Variants in KCNJ6 observed in about 807,000 individuals in gnomAD.
KCNJ6 encodes the protein potassium inwardly rectifying channel subfamily J member 6.
Under a neutral mutation model 34.2 loss-of-function variants are expected in KCNJ6, and 9 were observed. That is an observed-to-expected ratio of 0.26 (90% CI 0.16 to 0.46). The LOEUF is 0.46. KCNJ6 is among the 20% of genes least tolerant of loss of function. The pLI is 1.00. For synonymous variants in KCNJ6, 196 were observed against 207.1 expected (o/e 0.95, Z 0.46); for missense variants, 236 against 531.3 (o/e 0.44, Z 5.46).
chr21:37,842,518 C>T lies in KCNJ6; in HGVS notation c.-27-1809G>A, dbSNP rs558601590. On this transcript the variant is annotated intron_variant, in intron 1 of 3. Transcript: ENST00000609713. ...TGTATTCATGACAACGAAATCAGCA[C>T]GCTGCCTCTTACTTAAACTAATAAT... is the stretch of plus-strand genomic sequence containing the variant. Among the ~76,000 whole-genome samples the T allele has an allele frequency of 7.9e-5, 12 of 152,338 alleles. No individual in the cohort carries two copies. The South Asian group carries it at 8.3e-4, about 11-fold the overall frequency.
intron 3 of KCNJ6, among the ~76,000 whole-genome samples, chr21:37,634,983 C>G (rs1041938811): frequency 4.6e-5 from 7 of 152,032 alleles, no homozygotes; most frequent in Non-Finnish European, 1.0e-4. Context: ...TCTCGAACTC[C>G]TGGCCTCAAG....
chr21:37,784,246 G>A (rs2055182846), intron 2 of KCNJ6, among the ~76,000 whole-genome samples: 2 of 152,154 alleles, frequency 1.3e-5, no homozygotes, highest in South Asian at 2.1e-4. Flanking sequence ...CCGGCTGCAC[G>A]AGTCTTGCTG....
At chr21:37,740,115 C>T (rs1211767193) in intron 2 of KCNJ6, among the ~76,000 whole-genome samples, 1 of 152,190 alleles carries the variant, frequency 6.6e-6, no homozygotes, top group African/African-American at 2.4e-5. Context: ...CCCAGCACTA[C>T]TACAAACCAG....
At chr21:37,643,934 T>C (rs567635622) in intron 3 of KCNJ6, among the ~76,000 whole-genome samples, 2 of 152,350 alleles carry the variant, frequency 1.3e-5, no homozygotes, top group Admixed American at 1.3e-4. Context: ...TGTAGGTTCA[T>C]TGCAGCACTA....
chr21:37,625,264 G>T lies in KCNJ6; in HGVS notation c.1167C>A (p.Leu389=). ...CAGTCTCCAGTTCTGCATGTTGGTT[G>T]AGTTTGCTGGATACAGACCAACTCA... ...LPLSWSVSSK[L]NQHAELETEE... The change falls in exon 4 of 4, where the codon CTC becomes CTA. Residue 389 remains leucine, a synonymous_variant. Transcript: ENST00000609713. The T allele has an allele frequency of 6.2e-7, 1 of 1,614,174 alleles. No homozygotes were observed. Among genetic ancestry groups the T allele is most frequent in the African/African-American group, 1.3e-5 (1 of 75,034 alleles).
intron 2 of KCNJ6, among the ~76,000 whole-genome samples, chr21:37,741,365 G>C (rs976325111): frequency 6.6e-6 from 1 of 152,134 alleles, no homozygotes; most frequent in African/African-American, 2.4e-5. Flanking sequence ...TGGCTCATGA[G>C]AGGTTCTGGT....
chr21:37,831,134 T>C (rs908360465), intron 2 of KCNJ6, among the ~76,000 whole-genome samples: 1 of 152,232 alleles, frequency 6.6e-6, no homozygotes, highest in Admixed American at 6.5e-5. Flanking sequence ...GTAGGATCTC[T>C]GATTCCAACT....
At chr21:37,635,301 C>A (rs1055032086) in intron 3 of KCNJ6, among the ~76,000 whole-genome samples, 1 of 151,956 alleles carries the variant, frequency 6.6e-6, no homozygotes, top group African/African-American at 2.4e-5. Flanking sequence ...TTACTGCAAC[C>A]TCCGCCTCCC....
chr21:37,744,397 A>T (rs530461265), intron 2 of KCNJ6, among the ~76,000 whole-genome samples: 3 of 152,282 alleles, frequency 2.0e-5, no homozygotes, highest in African/African-American at 7.2e-5. Context: ...AGGAATGCAC[A>T]TGATTTGGAA....
At chr21:37,827,616 G>C (rs1376771058) in intron 2 of KCNJ6, among the ~76,000 whole-genome samples, 1 of 151,964 alleles carries the variant, frequency 6.6e-6, no homozygotes, top group Non-Finnish European at 1.5e-5. Context: ...ATGGGCTTGA[G>C]TTGAGAATAG....
intron 2 of KCNJ6, among the ~76,000 whole-genome samples, chr21:37,823,922 A>G (rs1010809329): frequency 1.3e-5 from 2 of 152,302 alleles, no homozygotes; most frequent in Non-Finnish European, 2.9e-5. Context: ...GTGGTTAATT[A>G]TTATGCATTG....
At chr21:37,721,439 T>G (rs1033843064) in intron 2 of KCNJ6, among the ~76,000 whole-genome samples, 2 of 152,198 alleles carry the variant, frequency 1.3e-5, no homozygotes, top group Non-Finnish European at 2.9e-5. Context: ...CCAAAGGGAT[T>G]GAAAGCAGGG....
At chr21:37,872,200 G>A (rs1348119037) in intron 1 of KCNJ6, among the ~76,000 whole-genome samples, 2 of 152,194 alleles carry the variant, frequency 1.3e-5, no homozygotes, top group Non-Finnish European at 2.9e-5. Flanking sequence ...ATTAACTAAC[G>A]TGTGAAATGA....
chr21:37,647,086 A>G (rs906233492), intron 3 of KCNJ6, among the ~76,000 whole-genome samples: 1 of 152,066 alleles, frequency 6.6e-6, no homozygotes, highest in Non-Finnish European at 1.5e-5. Flanking sequence ...TCCTATTTTG[A>G]GGAAGACAAG....
At chr21:37,754,479 A>G (rs1235951149) in intron 2 of KCNJ6, among the ~76,000 whole-genome samples, 1 of 152,220 alleles carries the variant, frequency 6.6e-6, no homozygotes, top group African/African-American at 2.4e-5. Flanking sequence ...CACTTAGTAG[A>G]CACCCCACAA....
At position 37,816,175 on chromosome 21, in the gene KCNJ6, G is replaced by A. The variant is rs2055345879; in HGVS notation, c.25+24483C>T. 2.0e-5 allele frequency among the ~76,000 whole-genome samples: 3 copies of A among 152,174 alleles called. No individual in the cohort carries two copies. The South Asian group carries it at 6.2e-4, about 31-fold the overall frequency. On this transcript the variant is annotated intron_variant, in intron 2 of 3. Coordinates refer to ENST00000609713, the MANE Select transcript of KCNJ6 (RefSeq NM_002240.5). The stretch of plus-strand genomic sequence containing the variant: ...AGGACTGGGGAGTCCAATGCCTGCC[G>A]CCTTTTCTGGAGCACTTTATTGACC...
intron 1 of KCNJ6, among the ~76,000 whole-genome samples, chr21:37,874,103 A>G (rs2055665970): frequency 6.6e-6 from 1 of 151,764 alleles, no homozygotes; most frequent in African/African-American, 2.4e-5. Context: ...TCAGGGGTTC[A>G]CCCTCTCCCT....
chr21:37,694,887 G>C (rs1029087868), intron 3 of KCNJ6, among the ~76,000 whole-genome samples: 1 of 152,206 alleles, frequency 6.6e-6, no homozygotes, highest in African/African-American at 2.4e-5. Flanking sequence ...ACAGAGGAAA[G>C]GCCCCGTGAA....
At chr21:37,886,117 T>C (rs1047772558) in intron 1 of KCNJ6, among the ~76,000 whole-genome samples, 1 of 152,162 alleles carries the variant, frequency 6.6e-6, no homozygotes, top group African/African-American at 2.4e-5. Context: ...TTCTCAAGAC[T>C]CTTTTTGCTA....
Sources: gnomAD v4.1 joint callset for allele counts (sites outside exome capture counted in the v4.1 genomes callset) on GRCh38, gnomAD v4.1.1 for gene constraint, MANE v1.5 for transcripts, NCBI Gene and HGNC (gene_info 2026-07-23, HGNC 2026-07-21) for gene names.